TENM2: variants seen among roughly 807,000 people sequenced by gnomAD.
TENM2 encodes the protein teneurin-2.
In TENM2, 52 loss-of-function variants were observed where a neutral mutation model predicts 245.2. The ratio of observed to expected loss-of-function variants is 0.21; its 90% confidence interval spans 0.17 to 0.27. TENM2 has a LOEUF of 0.27. TENM2 is among the 10% of genes least tolerant of loss of function. The probability of loss-of-function intolerance (pLI) is 1.00; values close to 1 mark genes in which losing one functional copy is unlikely to be tolerated. For missense variants in TENM2, 3,046 were observed against 3,666.8 expected (o/e 0.83, Z 4.37); for synonymous variants, 1,363 against 1,438.9 (o/e 0.95, Z 1.19).
chr5:167,678,582 C>T (rs1756492538), intron 2 of TENM2, among the ~76,000 whole-genome samples: 1 of 152,150 alleles, frequency 6.6e-6, no homozygotes, highest in African/African-American at 2.4e-5. Context: ...GCCCCAGCCA[C>T]CCATTAGACT....
At chr5:167,173,829 A>G in the TENM2 span, among the ~76,000 whole-genome samples, 10 of 152,122 alleles carry the variant, frequency 6.6e-5, no homozygotes, top group African/African-American at 2.4e-4. Flanking sequence ...TAGAAGTAAT[A>G]TCGCAATGGG....
intron 2 of TENM2, chr5:167,653,184 A>G (rs1754594022): frequency 1.3e-5 from 2 of 152,138 alleles, no homozygotes; most frequent in South Asian, 4.1e-4. Flanking sequence ...ACACACAAGT[A>G]TTAAGTGGAA....
rs544583639 is a variant in TENM2 at position 167,620,343 on chromosome 5, G to A, written c.502+244870G>A. On this transcript the variant is annotated intron_variant, in intron 2 of 28. Transcript: ENST00000518659. ...CTCAAGCTATCCCTTTTCAGTAGAA[G>A]TCTGCAGTACCTTTCAATTTGCTCT... is the stretch of plus-strand genomic sequence containing the variant. Among the ~76,000 whole-genome samples, 3 of 152,242 alleles carry A rather than the reference G, an allele frequency of 2.0e-5. No individual in the cohort carries two copies. The South Asian group carries it at 6.2e-4, about 32-fold the overall frequency.
rs1235062045 is a variant in TENM2 at position 168,238,181 on chromosome 5, G to T, written c.5521-6239G>T. Among the ~76,000 whole-genome samples, 74 of 59,468 alleles carry T rather than the reference G, an allele frequency of 1.2e-3. 2 individuals are homozygous for T. The African/African-American group carries it at 0.014, about 11-fold the overall frequency. The allele number at this position is 59,468 out of a possible 152,430, so 39.0% of individuals were successfully genotyped here. Reference sequence around the variant, plus strand: ...AAAGAGAGAGAGAGAGAGAGAGAGAGAGAGGGAGGGAGGGAGGGAGGGAGG... The same window carrying T: ...AAAGAGAGAGAGAGAGAGAGAGAGATAGAGGGAGGGAGGGAGGGAGGGAGG... On this transcript the variant is annotated intron_variant, in intron 25 of 28. Coordinates refer to ENST00000518659, the Ensembl canonical transcript of TENM2.
At chr5:167,733,261 G>C (rs973947594) in intron 2 of TENM2, among the ~76,000 whole-genome samples, 3 of 152,086 alleles carry the variant, frequency 2.0e-5, no homozygotes, top group Non-Finnish European at 2.9e-5. Flanking sequence ...ACTAAATATA[G>C]TTAGTTCTGA....
At chr5:167,052,742 A>G in the TENM2 span, among the ~76,000 whole-genome samples, 22 of 151,856 alleles carry the variant, frequency 1.4e-4, no homozygotes, top group Non-Finnish European at 2.6e-4. Flanking sequence ...TAAAGTTTAC[A>G]TCGTAAGCTA....
chr5:167,757,833 T>A (rs370228477), intron 2 of TENM2, among the ~76,000 whole-genome samples: 21 of 152,364 alleles, frequency 1.4e-4, no homozygotes, highest in African/African-American at 4.6e-4. Context: ...TGCATTTCTC[T>A]AATCTCATAT....
At chr5:168,088,509 G>C (rs1792652416) in intron 7 of TENM2, among the ~76,000 whole-genome samples, 1 of 152,170 alleles carries the variant, frequency 6.6e-6, no homozygotes. Flanking sequence ...CCCCACGTGT[G>C]AAACTAGAAC....
the TENM2 span, among the ~76,000 whole-genome samples, chr5:167,030,124 C>T: frequency 1.3e-5 from 2 of 152,200 alleles, no homozygotes; most frequent in Non-Finnish European, 2.9e-5. Flanking sequence ...TCAATGGTCA[C>T]TGCAAACCAA....
chr5:167,018,470 G>T, the TENM2 span, among the ~76,000 whole-genome samples: 2 of 151,734 alleles, frequency 1.3e-5, no homozygotes, highest in East Asian at 3.9e-4. Context: ...GTCACTGACT[G>T]AAGAAAGTAA....
chr5:167,302,534 G>A (rs1462295794), intron 1 of TENM2, among the ~76,000 whole-genome samples: 1 of 150,458 alleles, frequency 6.6e-6, no homozygotes, highest in Admixed American at 6.6e-5. Context: ...GGAAATAAGG[G>A]ATCAGGGTGC....
the TENM2 span, among the ~76,000 whole-genome samples, chr5:166,982,560 A>C: frequency 1.2e-4 from 18 of 152,104 alleles, no homozygotes; most frequent in African/African-American, 3.9e-4. Context: ...AGACAGACTT[A>C]AAGAGGCACA....
the TENM2 span, among the ~76,000 whole-genome samples, chr5:167,048,443 C>T: frequency 6.6e-6 from 1 of 152,088 alleles, no homozygotes; most frequent in Non-Finnish European, 1.5e-5. Context: ...AGTCACCATA[C>T]ATTGGAAGAG....
At chr5:167,380,741 G>T (rs189048490) in intron 2 of TENM2, among the ~76,000 whole-genome samples, 4 of 152,264 alleles carry the variant, frequency 2.6e-5, no homozygotes, top group African/African-American at 7.2e-5. Flanking sequence ...TTGGTTTTAA[G>T]CTGCTGAGTT....
At chr5:168,227,428 G>A (rs1764304597) in intron 24 of TENM2, among the ~76,000 whole-genome samples, 1 of 151,608 alleles carries the variant, frequency 6.6e-6, no homozygotes, top group Non-Finnish European at 1.5e-5. Context: ...CCTGGGCTTT[G>A]ATTTGTAGTG....
At chr5:167,997,474 A>G (rs1031919517) in intron 5 of TENM2, among the ~76,000 whole-genome samples, 3 of 152,056 alleles carry the variant, frequency 2.0e-5, no homozygotes, top group Admixed American at 2.0e-4. Context: ...TCTGCTTTCC[A>G]GTTGTCTTGT....
At chr5:167,656,616 C>CT (rs201112369) in intron 2 of TENM2, among the ~76,000 whole-genome samples, 17 of 151,402 alleles carry the variant, frequency 1.1e-4, no homozygotes, top group African/African-American at 3.9e-4. Flanking sequence ...AAGCATAAAA[C>CT]TTTTTTTTTG....
the TENM2 span, among the ~76,000 whole-genome samples, chr5:167,069,841 C>T: frequency 1.4e-5 from 2 of 142,772 alleles, no homozygotes; most frequent in South Asian, 2.2e-4. Flanking sequence ...ACTGTCATCA[C>T]AGAAAATTTG....
intron 2 of TENM2, among the ~76,000 whole-genome samples, chr5:167,830,628 G>A (rs1434607965): frequency 6.6e-6 from 1 of 152,178 alleles, no homozygotes; most frequent in Non-Finnish European, 1.5e-5. Flanking sequence ...GGCAGAGGAG[G>A]CAAACGAAAG....
Sources: gnomAD v4.1 joint callset for allele counts (sites outside exome capture counted in the v4.1 genomes callset) on GRCh38, gnomAD v4.1.1 for gene constraint, MANE v1.5 for transcripts, NCBI Gene and HGNC (gene_info 2026-07-23, HGNC 2026-07-21) for gene names.